Variants in SCLT1 observed in about 807,000 individuals in gnomAD.
SCLT1 encodes sodium channel-associated protein 1.
A neutral mutation model predicts 112.8 loss-of-function variants in SCLT1; 78 were observed. That is an observed-to-expected ratio of 0.69 (90% CI 0.58 to 0.83). The LOEUF is 0.83. SCLT1 is among the 40% of genes least tolerant of loss of function. SCLT1 has a pLI of 0.00. For synonymous variants in SCLT1, 257 were observed against 254.7 expected (o/e 1.01, Z -0.09); for missense variants, 747 against 770.4 (o/e 0.97, Z 0.36).
At chr4:128,996,403 T>A (rs1172064554) in intron 8 of SCLT1, among the ~76,000 whole-genome samples, 1 of 152,146 alleles carries the variant, frequency 6.6e-6, no homozygotes, top group Non-Finnish European at 1.5e-5. Flanking sequence ...TCTATAAAAA[T>A]CTATTCATTT....
rs73847400 is a variant in SCLT1, at chr4:129,075,030, C to T, written c.102+7276G>A. ...ATTATCTTTGCTCTCCAGATGACTC[C>T]CTGAAATAATGCTGATGGTGTATCA... On this transcript the variant is annotated intron_variant, in intron 2 of 20. Coordinates refer to ENST00000281142, the MANE Select transcript of SCLT1 (RefSeq NM_144643.4). Among the ~76,000 whole-genome samples, 943 of 152,090 alleles carry T rather than the reference C, an allele frequency of 6.2e-3. 7 individuals are homozygous for T. The highest frequency in any genetic ancestry group is 0.022 in the African/African-American group (900 of 41,504).
chr4:129,023,709 T>C (rs1408804307), intron 5 of SCLT1, among the ~76,000 whole-genome samples: 1 of 152,164 alleles, frequency 6.6e-6, no homozygotes, highest in Non-Finnish European at 1.5e-5. Context: ...TGCAGTGCAC[T>C]GTGTGCGAGC....
chr4:128,995,098 A>G (rs1742899224), intron 8 of SCLT1, among the ~76,000 whole-genome samples: 1 of 152,162 alleles, frequency 6.6e-6, no homozygotes, highest in South Asian at 2.1e-4. Flanking sequence ...ATCGTTGCCA[A>G]GACCGATGCC....
At chr4:129,046,832 C>A (rs1363000314) in intron 2 of SCLT1, among the ~76,000 whole-genome samples, 2 of 152,102 alleles carry the variant, frequency 1.3e-5, no homozygotes, top group Non-Finnish European at 2.9e-5. Flanking sequence ...ACACTTGGAA[C>A]TATGCTTTTC....
intron 18 of SCLT1, 94 bp downstream of exon 18, chr4:128,936,561 T>C (rs933838987): frequency 4.5e-6 from 3 of 672,412 alleles, no homozygotes; most frequent in African/African-American, 1.8e-5. Flanking sequence ...TCCAGAATTA[T>C]ACATTTTTTA....
Position 129,003,768 on chromosome 4 carries a change from A to G in SCLT1, c.399T>C (p.Leu133=), listed in dbSNP as rs751241368. 4 of 1,608,624 alleles carry G rather than the reference A, an allele frequency of 2.5e-6. No homozygotes were observed. The highest frequency in any genetic ancestry group is 3.4e-6 in the Non-Finnish European group (4 of 1,177,932). The part of the protein sequence containing the change: ...IYADDETVRN[L]QEQLQLANQE... ...GATTGGCTAGCTGCAATTGTTCTTG[A>G]AGGTTTCTGACTGTTTCATCATCTG... is the stretch of plus-strand genomic sequence containing the variant. The change falls in exon 6 of 21, where the codon CTT becomes CTC. Residue 133 remains leucine, a synonymous_variant. Transcript: ENST00000281142.
intron 2 of SCLT1, among the ~76,000 whole-genome samples, chr4:129,050,457 G>T (rs1748672552): frequency 6.6e-6 from 1 of 152,064 alleles, no homozygotes. Flanking sequence ...TATCTCATTT[G>T]GTTCTGATTT....
chr4:129,043,241 T>C lies in SCLT1; in HGVS notation c.234+154A>G, dbSNP rs537360854. Among the ~76,000 whole-genome samples, 167 of 152,262 alleles carry C rather than the reference T, an allele frequency of 1.1e-3. 2 individuals are homozygous for C. In the South Asian group the frequency reaches 0.024, roughly 22 times the overall value. On this transcript the variant is annotated intron_variant, in intron 4 of 20. Coordinates refer to ENST00000281142, the MANE Select transcript of SCLT1 (RefSeq NM_144643.4). The stretch of plus-strand genomic sequence containing the variant: ...GAGAATCTTTAAACATATGCACATA[T>C]ATACATTCACACACATTTACATAGG...
At chr4:128,947,713 T>C (rs1453524882) in intron 15 of SCLT1, among the ~76,000 whole-genome samples, 2 of 152,178 alleles carry the variant, frequency 1.3e-5, no homozygotes, top group African/African-American at 4.8e-5. Context: ...AAAAAGCATA[T>C]GAAAGAGATG....
At chr4:129,006,254 T>C (rs1744006983) in intron 5 of SCLT1, among the ~76,000 whole-genome samples, 1 of 152,114 alleles carries the variant, frequency 6.6e-6, no homozygotes, top group South Asian at 2.1e-4. Context: ...GTCTTAAAAT[T>C]TTTAGCCAGG....
At chr4:128,895,803 C>T (rs1030898698) in intron 18 of SCLT1, among the ~76,000 whole-genome samples, 1 of 152,212 alleles carries the variant, frequency 6.6e-6, no homozygotes, top group African/African-American at 2.4e-5. Flanking sequence ...AAAGGGGTGA[C>T]AGACGGCACC....
chr4:128,885,074 C>CTAAA (rs1732789246), intron 20 of SCLT1, among the ~76,000 whole-genome samples: 3 of 152,208 alleles, frequency 2.0e-5, no homozygotes, highest in African/African-American at 2.4e-5. Context: ...AAAACATATT[C>CTAAA]CAGATGGATG....
chr4:129,047,142 GT>G (rs1344787686), intron 2 of SCLT1, among the ~76,000 whole-genome samples: 2 of 151,934 alleles, frequency 1.3e-5, no homozygotes, highest in African/African-American at 2.4e-5. Flanking sequence ...CAGTTTATCA[GT>G]TATTTCGTTT....
chr4:128,930,843 G>C (rs1489466439), intron 18 of SCLT1, among the ~76,000 whole-genome samples: 1 of 152,154 alleles, frequency 6.6e-6, no homozygotes, highest in Non-Finnish European at 1.5e-5. Flanking sequence ...AAGATGTAAA[G>C]CTGCAGGAGG....
At chr4:128,899,703 G>A (rs373776979) in intron 18 of SCLT1, among the ~76,000 whole-genome samples, 4,026 of 152,180 alleles carry the variant, frequency 0.026, 74 homozygotes, top group Non-Finnish European at 0.044. Flanking sequence ...GGAAATAAAG[G>A]GTATTCAATT....
chr4:129,051,082 A>C (rs1748743050), intron 2 of SCLT1, among the ~76,000 whole-genome samples: 1 of 152,154 alleles, frequency 6.6e-6, no homozygotes, highest in African/African-American at 2.4e-5. Flanking sequence ...CCATTGGTCT[A>C]TACATCTGTT....
chr4:128,891,211 A>G, intron 18 of SCLT1, 74 bp from the exon 19 acceptor site: 1 of 1,132,074 alleles, frequency 8.8e-7, no homozygotes, highest in Non-Finnish European at 1.3e-6. Flanking sequence ...AGCAAGATAC[A>G]TGTTCATGAT....
At chr4:128,910,839 A>G (rs1306814498) in intron 18 of SCLT1, among the ~76,000 whole-genome samples, 1 of 151,110 alleles carries the variant, frequency 6.6e-6, no homozygotes, top group South Asian at 2.1e-4. Flanking sequence ...CTGATTTTAT[A>G]TTTTTTTTTC....
chr4:129,008,372 A>T (rs1744216061), intron 5 of SCLT1, among the ~76,000 whole-genome samples: 1 of 152,156 alleles, frequency 6.6e-6, no homozygotes, highest in Non-Finnish European at 1.5e-5. Context: ...GATTTCTATC[A>T]CATCTGTTGA....
Sources: allele counts gnomAD v4.1 joint callset (sites outside exome capture counted in the v4.1 genomes callset), GRCh38; gene constraint gnomAD v4.1.1; transcripts MANE v1.5; gene names NCBI Gene and HGNC (gene_info 2026-07-23, HGNC 2026-07-21).